The following EML4 variants were observed in gnomAD, a reference collection of about 807,000 sequenced individuals.
EML4 encodes echinoderm microtubule-associated protein-like 4.
A neutral mutation model predicts 129.0 loss-of-function variants in EML4; 72 were observed. The ratio of observed to expected loss-of-function variants is 0.56; its 90% CI spans 0.46 to 0.68. EML4 has a LOEUF of 0.68. Ranked by LOEUF, EML4 falls within the 30% of genes least tolerant of loss-of-function variation. The probability of loss-of-function intolerance (pLI) is 0.00; values close to 1 mark genes in which losing one functional copy is unlikely to be tolerated. For missense variants in EML4, 1,363 were observed against 1,190.6 expected (o/e 1.14, Z -2.13); for synonymous variants, 532 against 405.0 (o/e 1.31, Z -3.77).
intron 1 of EML4, among the ~76,000 whole-genome samples, chr2:42,212,648 C>A (rs1297689442): frequency 6.6e-6 from 1 of 152,126 alleles, no homozygotes. Flanking sequence ...TGGCATGACA[C>A]CCACAGATAC....
At chr2:42,298,811 C>A (rs1045968733) in intron 13 of EML4, among the ~76,000 whole-genome samples, 31 of 152,088 alleles carry the variant, frequency 2.0e-4, no homozygotes, top group Non-Finnish European at 3.5e-4. Flanking sequence ...TATTTTCTTA[C>A]ATTCTGATAG....
intron 2 of EML4, among the ~76,000 whole-genome samples, chr2:42,255,885 C>T (rs773482714): frequency 1.3e-5 from 2 of 152,036 alleles, no homozygotes; most frequent in Non-Finnish European, 2.9e-5. Context: ...AAACTGAGTC[C>T]AAAAATTAAA....
chr2:42,209,929 C>G (rs1464556806), intron 1 of EML4, among the ~76,000 whole-genome samples: 1 of 150,564 alleles, frequency 6.6e-6, no homozygotes, highest in Non-Finnish European at 1.5e-5. Context: ...AACTCAGTCT[C>G]AAAACCAAAA....
At chr2:42,284,434 G>T (rs981355646) in intron 8 of EML4, among the ~76,000 whole-genome samples, 200 bp from the exon 9 acceptor site, 1 of 152,186 alleles carries the variant, frequency 6.6e-6, no homozygotes, top group East Asian at 1.9e-4. Flanking sequence ...TCATTAATCT[G>T]TGCAGCTTAA....
intron 17 of EML4, among the ~76,000 whole-genome samples, chr2:42,312,801 C>G (rs1327292040): frequency 2.0e-5 from 3 of 151,680 alleles, no homozygotes; most frequent in African/African-American, 7.3e-5. Context: ...GATCCACTCA[C>G]CTCGGCCTCT....
intron 21 of EML4, 70 bp downstream of exon 21, chr2:42,326,322 A>G (rs1669810436): frequency 2.5e-5 from 26 of 1,038,964 alleles, no homozygotes; most frequent in Middle Eastern, 2.2e-4. Context: ...ACTTGCTTAA[A>G]TTTATAAATG....
intron 6 of EML4, among the ~76,000 whole-genome samples, chr2:42,266,362 T>A (rs890882636): frequency 3.3e-5 from 5 of 152,320 alleles, no homozygotes; most frequent in African/African-American, 1.2e-4. Flanking sequence ...TCAAAACTTT[T>A]AAGAGAGAGG....
At chr2:42,228,232 A>AT (rs1674102896) in intron 1 of EML4, among the ~76,000 whole-genome samples, 1 of 151,910 alleles carries the variant, frequency 6.6e-6, no homozygotes. Flanking sequence ...AAAAAAAAAA[A>AT]AGTATACATG....
chr2:42,171,344 A>T (rs1670267373), intron 1 of EML4, among the ~76,000 whole-genome samples: 1 of 152,196 alleles, frequency 6.6e-6, no homozygotes, highest in South Asian at 2.1e-4. Flanking sequence ...TGGTGAGATC[A>T]CTTTAACTTC....
At chr2:42,251,273 TG>T (rs1675749434) in intron 2 of EML4, among the ~76,000 whole-genome samples, 1 of 152,116 alleles carries the variant, frequency 6.6e-6, no homozygotes, top group African/African-American at 2.4e-5. Context: ...AGAAAAGATA[TG>T]GTAAAAATAG....
chr2:42,293,620 G>C (rs1455397555), intron 11 of EML4, among the ~76,000 whole-genome samples: 1 of 151,598 alleles, frequency 6.6e-6, no homozygotes, highest in Non-Finnish European at 1.5e-5. Context: ...TCTTGGTTTT[G>C]TTTCGTTTTG....
At chr2:42,222,113 A>G (rs1318196828) in intron 1 of EML4, among the ~76,000 whole-genome samples, 1 of 152,082 alleles carries the variant, frequency 6.6e-6, no homozygotes, top group Non-Finnish European at 1.5e-5. Flanking sequence ...CACACCAGTG[A>G]TTTCTGATTA....
At chr2:42,283,222 C>G (rs1667112474) in intron 8 of EML4, among the ~76,000 whole-genome samples, 1 of 152,160 alleles carries the variant, frequency 6.6e-6, no homozygotes, top group Non-Finnish European at 1.5e-5. Flanking sequence ...TTTCTCATGT[C>G]GTACAGTCCT....
Position 42,263,195 on chromosome 2 carries a change from C to T in EML4, c.530C>T (p.Pro177Leu). 1 of 1,611,858 alleles carries T rather than the reference C, an allele frequency of 6.2e-7. No homozygotes were observed. The highest frequency in any genetic ancestry group is 8.5e-7 in the Non-Finnish European group (1 of 1,179,238). Residue 177 changes from proline to leucine, a missense_variant, in exon 5 of 23, where the codon CCA becomes CTA. Pro to Leu is a moderately conservative substitution (Grantham distance 98). Coordinates refer to ENST00000318522, the MANE Select transcript of EML4 (RefSeq NM_019063.5). ...CCTTCTAGCATAAAACGACCATCACCAGCTGAAAAGTCACATAATTCTTGG... is the reference window on the plus strand; with the variant it reads ...CCTTCTAGCATAAAACGACCATCACTAGCTGAAAAGTCACATAATTCTTGG... ...TPTKSIKRPS[P>L]AEKSHNSWEN... is the part of the protein sequence containing the mutation.
rs1313242076 is a variant in EML4, at chr2:42,329,913, C to T, written c.2652C>T (p.Ala884=). Residue 884 remains alanine, a synonymous_variant, in exon 23 of 23, where the codon GCC becomes GCT. Transcript: ENST00000318522. ...TAGCGGATACTACTCTAACCAAAGCCCCCGTCTCTTCCACTGAAAGTGTCA... is the reference window on the plus strand; with the variant it reads ...TAGCGGATACTACTCTAACCAAAGCTCCCGTCTCTTCCACTGAAAGTGTCA... ...ETVADTTLTK[A]PVSSTESVIQ... The T allele has an allele frequency of 1.2e-6, 2 of 1,613,852 alleles. No individual in the cohort carries two copies. The highest frequency in any genetic ancestry group is 1.7e-6 in the Non-Finnish European group (2 of 1,180,012).
In EML4 at chr2:42,331,502, A is replaced by G. The variant is rs937439513; in HGVS notation, c.*1295A>G. 9.0e-6 allele frequency: 2 copies of G among 223,364 alleles called. No homozygotes were observed. Among genetic ancestry groups the G allele is most frequent in the African/African-American group, 4.5e-5 (2 of 44,806 alleles). 13.8% of individuals were successfully genotyped at this position (223,364 alleles called of 1,614,324 possible). Reference sequence around the variant, plus strand: ...AAATATGTATTTCCTATATGTTTATACTTTGATTATAAAAAAGTATTTTGT... The same window carrying G: ...AAATATGTATTTCCTATATGTTTATGCTTTGATTATAAAAAAGTATTTTGT... On this transcript the variant is annotated 3_prime_UTR_variant, in exon 23 of 23. Coordinates refer to ENST00000318522, the MANE Select transcript of EML4 (RefSeq NM_019063.5).
At chr2:42,290,810 G>C (rs796152326) in intron 11 of EML4, among the ~76,000 whole-genome samples, 25 of 152,284 alleles carry the variant, frequency 1.6e-4, no homozygotes, top group African/African-American at 5.8e-4. Context: ...AGAAATTAAA[G>C]AGGAGGGATG....
In EML4 at chr2:42,282,975, T is replaced by G. The variant is rs758921884; in HGVS notation, c.941+3T>G. On this transcript the variant is annotated splice_donor_region_variant and intron_variant, in intron 8 of 22. Coordinates refer to ENST00000318522, the MANE Select transcript of EML4 (RefSeq NM_019063.5). The stretch of plus-strand genomic sequence containing the variant: ...GGCCATACAGACTGTGTGAAATGGT[T>G]GGTATCATTTAACATTGGTTCATTT... The G allele has an allele frequency of 3.1e-6, 5 of 1,598,936 alleles. No individual in the cohort carries two copies. Among genetic ancestry groups the G allele is most frequent in the Middle Eastern group, 1.7e-4 (1 of 6,014 alleles).
chr2:42,286,378 C>T lies in EML4; in HGVS notation c.1121C>T (p.Ala374Val). 6.3e-7 allele frequency: 1 copy of T among 1,577,810 alleles called. No homozygotes were observed. The highest frequency in any genetic ancestry group is 1.1e-5 in the South Asian group (1 of 90,300). The change falls in exon 10 of 23, where the codon GCA becomes GTA. Residue 374 changes from alanine to valine, a missense_variant and splice_region_variant. Physicochemically the swap from Ala to Val is moderately conservative, Grantham distance 64. Coordinates refer to ENST00000318522, the MANE Select transcript of EML4 (RefSeq NM_019063.5). ...GTAGGATGCCTGGATTTTTCAAAAG[C>T]AGTAAGTAACAATTTTTAGAGAAGT... ...RGVGCLDFSK[A>V]DSGVHLCIID...
Sources: gnomAD v4.1 joint callset for allele counts (sites outside exome capture counted in the v4.1 genomes callset) on GRCh38, gnomAD v4.1.1 for gene constraint, MANE v1.5 for transcripts, NCBI Gene and HGNC (gene_info 2026-07-23, HGNC 2026-07-21) for gene names.